The following SYTL1 variants were observed in gnomAD, a reference collection of about 807,000 sequenced individuals.
SYTL1 encodes the protein synaptotagmin like 1.
In SYTL1, 53 loss-of-function variants were observed where a neutral mutation model predicts 74.6. The ratio of observed to expected loss-of-function variants is 0.71; its 90% CI spans 0.57 to 0.89. The LOEUF is 0.89. Among genes scored for constraint, SYTL1 ranks in the 40% least tolerant of loss-of-function variants. The pLI is 0.00. For missense variants in SYTL1, 728 were observed against 768.7 expected, an observed-to-expected ratio of 0.95 and a Z score of 0.63; for synonymous variants, 329 against 324.9, an observed-to-expected ratio of 1.01 and a Z score of -0.14.
chr1:27,349,510 T>G lies in SYTL1; in HGVS notation c.633+12T>G. ...CCCAGCAAGCCCAGGTAGGCGGGAGTGGCCCGTGGCTGCTCTCAACATCCG... is the reference window on the plus strand; with the variant it reads ...CCCAGCAAGCCCAGGTAGGCGGGAGGGGCCCGTGGCTGCTCTCAACATCCG... On this transcript the variant is annotated intron_variant, in intron 7 of 14. Transcript: ENST00000616558. 1.5e-6 allele frequency: 2 copies of G among 1,362,494 alleles called. No individual in the cohort carries two copies. 84.4% of individuals were successfully genotyped at this position (1,362,494 alleles called of 1,614,324 possible). A position where few individuals can be genotyped will look rare whatever the true frequency, so the allele number is the denominator to read the frequency against.
At chr1:27,349,010 C>T in intron 5 of SYTL1, 70 bp from the exon 6 acceptor site, 1 of 1,262,618 alleles carries the variant, frequency 7.9e-7, no homozygotes, top group Non-Finnish European at 1.1e-6. Flanking sequence ...TGACCTCTGA[C>T]CCCAATATGA....
Position 27,350,804 on chromosome 1 carries a change from C to T in SYTL1, c.1016C>T (p.Pro339Leu), listed in dbSNP as rs569235147. 2.5e-6 allele frequency: 4 copies of T among 1,613,770 alleles called. No homozygotes were observed. Among genetic ancestry groups the T allele is most frequent in the East Asian group, 4.5e-5 (2 of 44,880 alleles). ...VFNETLRYSV[P>L]QAELQGRVLS... ...ACCTCCTGTCCTCAGTACTCCGTCC[C>T]GCAGGCCGAGCTTCAGGGCCGCGTG... The change falls in exon 11 of 15, where the codon CCG (proline) becomes CTG (leucine). Residue 339 changes from proline (P) to leucine (L), a missense_variant. Pro to Leu is a moderately conservative substitution (Grantham distance 98). Transcript: ENST00000616558. The surrounding 1 kb of genome is among the most constrained non-coding windows in gnomAD (Gnocchi z 6.3).
rs1410146454 is a variant in SYTL1, at chr1:27,342,433, T to G, written c.-39+283T>G. ...AGGGAGGGGGCACTGCTGAGGACGC[T>G]GGGCTGATGCCCATGGCCCAGCTCA... On this transcript the variant is annotated intron_variant, in intron 1 of 14. Transcript: ENST00000616558. This position sits in a 1 kb window ranked among gnomAD's most constrained non-coding sequence, Gnocchi z 4.7. 1 of 672,742 alleles carries G rather than the reference T, an allele frequency of 1.5e-6. No individual in the cohort carries two copies. Among genetic ancestry groups the G allele is most frequent in the East Asian group, 1.4e-4 (1 of 7,354 alleles). 41.7% of individuals were successfully genotyped at this position (672,742 alleles called of 1,614,324 possible).
chr1:27,350,123 G>T lies in SYTL1; in HGVS notation c.899G>T (p.Arg300Leu). The change falls in exon 9 of 15, where the codon CGC (arginine) becomes CTC (leucine). Residue 300 changes from arginine (R) to leucine (L), a missense_variant. By Grantham distance (102) the Arg-to-Leu change is moderately radical. Transcript: ENST00000616558. This position sits in a 1 kb window ranked among gnomAD's most constrained non-coding sequence, Gnocchi z 6.3. The stretch of plus-strand genomic sequence containing the variant: ...GGCCTGGCCGCCGCCCGGCGCCGCC[G>T]CTCGGACCCGTGAGTGCCCCGCCGG... Reference protein sequence around the residue: ...CQGLAAARRRRSDPYVKSYLL... With the variant: ...CQGLAAARRRLSDPYVKSYLL... The T allele has an allele frequency of 7.2e-7, 1 of 1,394,788 alleles. No individual in the cohort carries two copies. Among genetic ancestry groups the T allele is most frequent in the Non-Finnish European group, 9.3e-7 (1 of 1,077,892 alleles). The allele number at this position is 1,394,788 out of a possible 1,614,324, so 86.4% of individuals were successfully genotyped here.
chr1:27,342,242 T>G lies in SYTL1; in HGVS notation c.-39+92T>G. 1.9e-5 allele frequency: 13 copies of G among 688,774 alleles called. No individual in the cohort carries two copies. The highest frequency in any genetic ancestry group is 2.0e-5 in the Non-Finnish European group (11 of 559,484). The allele number at this position is 688,774 out of a possible 1,614,324, so 42.7% of individuals were successfully genotyped here. A position where few individuals can be genotyped will look rare whatever the true frequency, so the allele number is the denominator to read the frequency against. On this transcript the variant is annotated intron_variant, in intron 1 of 14. Transcript: ENST00000616558. This position sits in a 1 kb window ranked among gnomAD's most constrained non-coding sequence, Gnocchi z 4.7. Reference sequence around the variant, plus strand: ...CTGAGCACCCTCCAGCACCTTGGGGTTGGGGGAGGTGGGCACATGTCTGGA... The same window carrying G: ...CTGAGCACCCTCCAGCACCTTGGGGGTGGGGGAGGTGGGCACATGTCTGGA...
intron 1 of SYTL1, among the ~76,000 whole-genome samples, chr1:27,344,483 G>A (rs532114652): frequency 3.3e-5 from 5 of 150,624 alleles, no homozygotes; most frequent in South Asian, 2.1e-4. Context: ...TCAGGTGATC[G>A]GCCCACCTTG....
At chr1:27,353,220 G>T in intron 13 of SYTL1, 63 bp from the exon 14 acceptor site, 1 of 1,488,260 alleles carries the variant, frequency 6.7e-7, no homozygotes, top group Non-Finnish European at 9.2e-7. Flanking sequence ...GTGGGACGTG[G>T]TGACTGGATG....
Position 27,351,422 on chromosome 1 carries a change from T to C in SYTL1, c.1244-34T>C. ...CCGGGTTTGGGGGCGGTGGACTCCA[T>C]CCGTGTGCGGGCCTGAGCCGAGCCT... On this transcript the variant is annotated intron_variant, in intron 12 of 14. Coordinates refer to ENST00000616558, the MANE Select transcript of SYTL1 (RefSeq NM_001193308.2). This position sits in a 1 kb window ranked among gnomAD's most constrained non-coding sequence, Gnocchi z 5.0. The C allele has an allele frequency of 6.6e-7, 1 of 1,507,588 alleles. No individual in the cohort carries two copies. Among genetic ancestry groups the C allele is most frequent in the Non-Finnish European group, 8.9e-7 (1 of 1,122,862 alleles). The allele number at this position is 1,507,588 out of a possible 1,614,324, so 93.4% of individuals were successfully genotyped here.
In SYTL1 at chr1:27,345,642, A is replaced by G. The variant is rs746098622; in HGVS notation, c.191+117A>G. The G allele has an allele frequency of 1.4e-5, 10 of 698,060 alleles. No individual in the cohort carries two copies. The highest frequency in any genetic ancestry group is 2.1e-5 in the Non-Finnish European group (9 of 435,074). The allele number at this position is 698,060 out of a possible 1,614,324, so 43.2% of individuals were successfully genotyped here. ...TGCGTGGTTCTTGGTTTTGCCCTTC[A>G]GTCTCCTCTGGCCTTGGCCAGCTCA... On this transcript the variant is annotated intron_variant, in intron 2 of 14. Transcript: ENST00000616558. This position sits in a 1 kb window ranked among gnomAD's most constrained non-coding sequence, Gnocchi z 6.0.
chr1:27,345,948 T>G lies in SYTL1; in HGVS notation c.191+423T>G, dbSNP rs1557538072. Among the ~76,000 whole-genome samples the G allele has an allele frequency of 6.6e-6, 1 of 152,128 alleles. No individual in the cohort carries two copies. The highest frequency in any genetic ancestry group is 1.9e-4 in the East Asian group (1 of 5,184). ...GGCACATGCCACCATGCCCAGCTAATTTTTGTATTTTTAGTAGAGATGGGT... is the reference window on the plus strand; with the variant it reads ...GGCACATGCCACCATGCCCAGCTAAGTTTTGTATTTTTAGTAGAGATGGGT... On this transcript the variant is annotated intron_variant, in intron 2 of 14. Transcript: ENST00000616558. The surrounding 1 kb of genome is among the most constrained non-coding windows in gnomAD (Gnocchi z 6.0).
In SYTL1 at chr1:27,351,921, A is replaced by G. The variant is rs1275595370; in HGVS notation, c.1343+366A>G. ...CCAGGTGCTGCCCCCACTGTTAGAG[A>G]GTGAAATGGAGGTGGGCGGGTCACT... is the stretch of plus-strand genomic sequence containing the variant. On this transcript the variant is annotated intron_variant, in intron 13 of 14. Transcript: ENST00000616558. This position sits in a 1 kb window ranked among gnomAD's most constrained non-coding sequence, Gnocchi z 5.0. 2.0e-5 allele frequency: 4 copies of G among 197,756 alleles called. No individual in the cohort carries two copies. Among genetic ancestry groups the G allele is most frequent in the African/African-American group, 9.3e-5 (4 of 43,016 alleles). 12.3% of individuals were successfully genotyped at this position (197,756 alleles called of 1,614,324 possible).
intron 13 of SYTL1, 36 bp from the exon 14 acceptor site, chr1:27,353,246 AG>A (rs1232916351): frequency 2.1e-5 from 32 of 1,552,062 alleles, no homozygotes; most frequent in Non-Finnish European, 2.7e-5. Flanking sequence ...AGGGAGTGTG[AG>A]GGGGGTCACC....
In SYTL1 at chr1:27,349,466, G is replaced by A. The variant is rs1401939186; in HGVS notation, c.601G>A (p.Gly201Arg). 35 of 1,453,886 alleles carry A rather than the reference G, an allele frequency of 2.4e-5. No homozygotes were observed. The highest frequency in any genetic ancestry group is 2.9e-5 in the Non-Finnish European group (32 of 1,102,610). 90.1% of individuals were successfully genotyped at this position (1,453,886 alleles called of 1,614,324 possible). ...ADPELEPASG[G>R]EQEPRPQQAQ... ...CCCGGAGCTGGAGCCCGCGTCGGGG[G>A]GAGAGCAGGAGCCGCGGCCCCAGCA... The change falls in exon 7 of 15, where the codon GGA becomes AGA. Residue 201 changes from glycine (G) to arginine (R), a missense_variant. Transcript: ENST00000616558.
Position 27,353,888 on chromosome 1 carries a change from G to C in SYTL1, c.*36G>C. The C allele has an allele frequency of 1.3e-6, 2 of 1,595,402 alleles. No homozygotes were observed. The highest frequency in any genetic ancestry group is 1.7e-6 in the Non-Finnish European group (2 of 1,166,648). On this transcript the variant is annotated 3_prime_UTR_variant, in exon 15 of 15. Transcript: ENST00000616558. Reference sequence around the variant, plus strand: ...CCTCTCTCTCTGGACCCCCATCTCAGGGCCTGCCCTTGGCTAAAGTCAATA... The same window carrying C: ...CCTCTCTCTCTGGACCCCCATCTCACGGCCTGCCCTTGGCTAAAGTCAATA...
At position 27,345,301 on chromosome 1, in the gene SYTL1, C is replaced by T. The variant is rs1313885560; in HGVS notation, c.-34C>T. On this transcript the variant is annotated 5_prime_UTR_variant, in exon 2 of 15. Coordinates refer to ENST00000616558, the MANE Select transcript of SYTL1 (RefSeq NM_001193308.2). The surrounding 1 kb of genome is among the most constrained non-coding windows in gnomAD (Gnocchi z 6.0). ...TGACCCTCGGTCTGCCCCCAGGAAGCTCCGTGTGCCCAGCTGGGGCACAGC... is the reference window on the plus strand; with the variant it reads ...TGACCCTCGGTCTGCCCCCAGGAAGTTCCGTGTGCCCAGCTGGGGCACAGC... The T allele has an allele frequency of 2.8e-6, 4 of 1,437,366 alleles. No homozygotes were observed. Among genetic ancestry groups the T allele is most frequent in the South Asian group, 2.9e-5 (2 of 69,006 alleles). The allele number at this position is 1,437,366 out of a possible 1,614,324, so 89.0% of individuals were successfully genotyped here. A position where few individuals can be genotyped will look rare whatever the true frequency, so the allele number is the denominator to read the frequency against.
rs773783854 is a variant in SYTL1 at position 27,349,066 on chromosome 1, C to T, written c.460-14C>T. Reference sequence around the variant, plus strand: ...AGCCCCCGTACTGTGACCTCTACCCCTTTCTTCCTTCAGGGACCTGATTTC... The same window carrying T: ...AGCCCCCGTACTGTGACCTCTACCCTTTTCTTCCTTCAGGGACCTGATTTC... On this transcript the variant is annotated splice_polypyrimidine_tract_variant and intron_variant, in intron 5 of 14. Transcript: ENST00000616558. The T allele has an allele frequency of 6.2e-7, 1 of 1,609,058 alleles. No homozygotes were observed. Among genetic ancestry groups the T allele is most frequent in the Non-Finnish European group, 8.5e-7 (1 of 1,175,536 alleles).
chr1:27,350,641 G>T lies in SYTL1; in HGVS notation c.1006-153G>T. 1 of 1,060,058 alleles carries T rather than the reference G, an allele frequency of 9.4e-7. No homozygotes were observed. Among genetic ancestry groups the T allele is most frequent in the Non-Finnish European group, 1.4e-6 (1 of 729,062 alleles). 65.7% of individuals were successfully genotyped at this position (1,060,058 alleles called of 1,614,324 possible). A position where few individuals can be genotyped will look rare whatever the true frequency, so the allele number is the denominator to read the frequency against. On this transcript the variant is annotated intron_variant, in intron 10 of 14. Coordinates refer to ENST00000616558, the MANE Select transcript of SYTL1 (RefSeq NM_001193308.2). The surrounding 1 kb of genome is among the most constrained non-coding windows in gnomAD (Gnocchi z 6.3). ...TCCAGTGTTGTCAGCCTCGTGGTGGGCGTGGTGATAGTGCAGGTCCCCATT... is the reference window on the plus strand; with the variant it reads ...TCCAGTGTTGTCAGCCTCGTGGTGGTCGTGGTGATAGTGCAGGTCCCCATT...
In SYTL1 at chr1:27,348,019, G is replaced by C. The variant is rs374859118; in HGVS notation, c.459+7G>C. ...GAGGCTCAGGGAGACTGAGGTAAGT[G>C]AATGAGCCAACATGTGAGTACAGTG... is the stretch of plus-strand genomic sequence containing the variant. On this transcript the variant is annotated splice_region_variant and intron_variant, in intron 5 of 14. Coordinates refer to ENST00000616558, the MANE Select transcript of SYTL1 (RefSeq NM_001193308.2). This position sits in a 1 kb window ranked among gnomAD's most constrained non-coding sequence, Gnocchi z 4.1. 6.2e-6 allele frequency: 10 copies of C among 1,613,866 alleles called. No individual in the cohort carries two copies. The African/African-American group carries it at 1.3e-4, about 22-fold the overall frequency.
chr1:27,349,672 C>T lies in SYTL1; in HGVS notation c.654C>T (p.Ile218=), dbSNP rs1464364674. 2 of 1,610,682 alleles carry T rather than the reference C, an allele frequency of 1.2e-6. No homozygotes were observed. The highest frequency in any genetic ancestry group is 2.2e-5 in the East Asian group (1 of 44,778). The change falls in exon 8 of 15, where the codon ATC becomes ATT. Residue 218 remains isoleucine (I), a synonymous_variant. Transcript: ENST00000616558. ...TGCAGACCAAGGCCGCGTCCCAGAT[C>T]CTGGAGAATGGGGAGGAGGCCCCGG... is the stretch of plus-strand genomic sequence containing the variant. ...QQAQTKAASQ[I]LENGEEAPGP...
Sources: gnomAD v4.1 joint callset for allele counts (sites outside exome capture counted in the v4.1 genomes callset) on GRCh38, gnomAD v4.1.1 for gene constraint, Gnocchi (gnomAD v3.1) non-coding constraint, MANE v1.5 for transcripts, NCBI Gene and HGNC (gene_info 2026-07-23, HGNC 2026-07-21) for gene names.